ZP3: variants seen among roughly 807,000 people sequenced by gnomAD.
ZP3 encodes the protein zona pellucida glycoprotein 3.
In ZP3, 21 loss-of-function variants were observed where a neutral mutation model predicts 35.6. That is an observed-to-expected ratio of 0.59 (90% CI 0.42 to 0.85). The LOEUF is 0.85. Among genes scored for constraint, ZP3 ranks in the 40% least tolerant of loss-of-function variants. The pLI is 0.00. For synonymous variants in ZP3, 207 were observed against 214.5 expected, an observed-to-expected ratio of 0.96 and a Z score of 0.31; for missense variants, 437 against 536.5, an observed-to-expected ratio of 0.81 and a Z score of 1.83.
Position 76,424,960 on chromosome 7 carries a change from G to A in ZP3, c.-5G>A. 3 of 1,524,116 alleles carry A rather than the reference G, an allele frequency of 2.0e-6. No homozygotes were observed. Among genetic ancestry groups the A allele is most frequent in the Non-Finnish European group, 1.8e-6 (2 of 1,134,724 alleles). 94.4% of individuals were successfully genotyped at this position (1,524,116 alleles called of 1,614,324 possible). ...GAGGCGGCTGCCTGCTGCTCTGCAG[G>A]TACCATGGAGCTGAGCTATAGGCTC... On this transcript the variant is annotated 5_prime_UTR_variant, in exon 1 of 8. Transcript: ENST00000394857.
At chr7:76,432,237 G>A (rs959515751) in intron 2 of ZP3, among the ~76,000 whole-genome samples, 1 of 151,408 alleles carries the variant, frequency 6.6e-6, no homozygotes. Context: ...TGCCCAGGCT[G>A]GAGTGCAGTG....
intron 1 of ZP3, among the ~76,000 whole-genome samples, chr7:76,406,143 G>A (rs1041978880): frequency 1.3e-5 from 2 of 151,618 alleles, no homozygotes; most frequent in East Asian, 1.9e-4. Context: ...CCGCCACCAC[G>A]CCCGGCTCAT....
rs529943111 is a variant in ZP3, at chr7:76,430,165, G to T, written c.431+532G>T. 5.9e-3 allele frequency among the ~76,000 whole-genome samples: 900 copies of T among 152,178 alleles called. 13 individuals are homozygous for T. Among genetic ancestry groups the T allele is most frequent in the African/African-American group, 0.021 (865 of 41,516 alleles). On this transcript the variant is annotated intron_variant, in intron 2 of 7. Transcript: ENST00000394857. ...GCAGAGGCTGCAGTGAGCCGAGATT[G>T]CACTGCTGTACTCCATTCTGGGCAA...
chr7:76,427,878 C>T (rs368996344), intron 1 of ZP3, among the ~76,000 whole-genome samples: 86 of 152,240 alleles, frequency 5.6e-4, no homozygotes, highest in African/African-American at 2.0e-3. Context: ...TGGGGTCTAG[C>T]TCTATTGCCC....
chr7:76,436,530 C>T (rs1159250438), intron 5 of ZP3, among the ~76,000 whole-genome samples: 6 of 152,236 alleles, frequency 3.9e-5, no homozygotes, highest in African/African-American at 1.4e-4. Context: ...AAGATGACAT[C>T]GATGCCACTT....
chr7:76,441,130 C>A (rs531670327), intron 7 of ZP3, among the ~76,000 whole-genome samples: 4 of 151,124 alleles, frequency 2.6e-5, no homozygotes, highest in African/African-American at 9.7e-5. Context: ...GAGATTGCAC[C>A]ATTGTACTCC....
In ZP3 at chr7:76,433,015, C is replaced by A; in HGVS notation, c.520C>A (p.Leu174Met). 6.2e-7 allele frequency: 1 copy of A among 1,614,028 alleles called. No homozygotes were observed. Among genetic ancestry groups the A allele is most frequent in the Non-Finnish European group, 8.5e-7 (1 of 1,179,994 alleles). The change falls in exon 3 of 8, where the codon CTG becomes ATG. Residue 174 changes from leucine to methionine, a missense_variant. Transcript: ENST00000394857. ...CTCAGAGGAGAAGCTGACTTTCTCTCTGCGTCTGATGGAGGGTAAGAGAAG... is the reference window on the plus strand; with the variant it reads ...CTCAGAGGAGAAGCTGACTTTCTCTATGCGTCTGATGGAGGGTAAGAGAAG... ...VFSEEKLTFS[L>M]RLMEENWNAE...
intron 2 of ZP3, among the ~76,000 whole-genome samples, chr7:76,432,485 CTTTTCTT>C (rs2115912068): frequency 6.6e-6 from 1 of 152,124 alleles, no homozygotes; most frequent in African/African-American, 2.4e-5. Context: ...TGCCTGGCCT[CTTTTCTT>C]TTTTATAGAG....
chr7:76,414,088 C>A (rs1805311600), intron 1 of ZP3, among the ~76,000 whole-genome samples: 1 of 151,280 alleles, frequency 6.6e-6, no homozygotes, highest in South Asian at 2.1e-4. Context: ...CCTCCACCTC[C>A]TGGGTTCAAG....
upstream of ZP3, among the ~76,000 whole-genome samples, chr7:76,423,329 T>C (rs1393339122): frequency 1.3e-5 from 2 of 152,180 alleles, no homozygotes; most frequent in South Asian, 2.1e-4. Context: ...GGAATTTACA[T>C]CAGGGATAGG....
intron 1 of ZP3, among the ~76,000 whole-genome samples, chr7:76,416,370 A>G (rs368219288): frequency 3.9e-5 from 6 of 152,304 alleles, no homozygotes; most frequent in African/African-American, 9.6e-5. Flanking sequence ...TCGAGGCTGC[A>G]GTGAGCCATG....
At chr7:76,429,355 C>T (rs2115899720) in intron 1 of ZP3, 160 bp from the exon 2 acceptor site, 6 of 671,294 alleles carry the variant, frequency 8.9e-6, no homozygotes, top group East Asian at 2.7e-5. Context: ...TCCTTGGCCT[C>T]CCAAAGTGCT....
At chr7:76,416,047 T>C (rs1331375950) in intron 1 of ZP3, among the ~76,000 whole-genome samples, 1 of 151,868 alleles carries the variant, frequency 6.6e-6, no homozygotes, top group Non-Finnish European at 1.5e-5. Context: ...TGAGAATCGC[T>C]TGAACCTGGG....
intron 1 of ZP3, chr7:76,404,169 A>C (rs578123136): frequency 1.6e-6 from 2 of 1,280,808 alleles, no homozygotes; most frequent in African/African-American, 3.0e-5. Context: ...CTCTTTTGTC[A>C]ACTCTGGGCA....
chr7:76,406,641 A>G (rs967430941), intron 1 of ZP3, among the ~76,000 whole-genome samples: 1 of 151,466 alleles, frequency 6.6e-6, no homozygotes, highest in African/African-American at 2.4e-5. Flanking sequence ...GCACCACCAC[A>G]CCCAGCTAAT....
At chr7:76,424,920 G>A (rs1398032253), upstream of ZP3, 11 of 1,475,480 alleles carry the variant, frequency 7.5e-6, no homozygotes, top group Admixed American at 2.3e-5. Context: ...GCATCCCACG[G>A]GTATAAGATG....
At chr7:76,425,349 C>T in intron 1 of ZP3, 73 bp downstream of exon 1, 2 of 1,479,870 alleles carry the variant, frequency 1.4e-6, no homozygotes, top group Non-Finnish European at 1.8e-6. Context: ...CTGTGGCCAC[C>T]ATCGGTGGGA....
chr7:76,413,287 C>G (rs1805292517), intron 1 of ZP3, among the ~76,000 whole-genome samples: 1 of 151,516 alleles, frequency 6.6e-6, no homozygotes, highest in Non-Finnish European at 1.5e-5. Flanking sequence ...CAGGGTCTTG[C>G]TTTGTTGCCC....
At chr7:76,416,812 C>CTATA (rs1481008824) in intron 1 of ZP3, among the ~76,000 whole-genome samples, 2 of 131,940 alleles carry the variant, frequency 1.5e-5, no homozygotes, top group Admixed American at 7.8e-5. Context: ...CTCTCTCTCT[C>CTATA]TCTCTATATA....
Sources: gnomAD v4.1 joint callset for allele counts (sites outside exome capture counted in the v4.1 genomes callset) on GRCh38, gnomAD v4.1.1 for gene constraint, MANE v1.5 for transcripts, NCBI Gene and HGNC (gene_info 2026-07-23, HGNC 2026-07-21) for gene names.